The following NLGN1 variants were observed in gnomAD, a reference collection of about 807,000 sequenced individuals.
The protein encoded by NLGN1 is neuroligin 1, also known as neuroligin-1.
A neutral mutation model predicts 65.5 loss-of-function variants in NLGN1; 12 were observed. That is an observed-to-expected ratio of 0.18 (90% CI 0.12 to 0.30). The LOEUF (loss-of-function observed/expected upper bound fraction) is 0.30. Among genes scored for constraint, NLGN1 ranks in the 10% least tolerant of loss-of-function variants. The probability of loss-of-function intolerance (pLI) is 1.00; values close to 1 mark genes in which losing one functional copy is unlikely to be tolerated. For missense variants in NLGN1, 750 were observed against 1,007.1 expected (o/e 0.74, Z 3.46); for synonymous variants, 350 against 359.5 (o/e 0.97, Z 0.30).
intron 4 of NLGN1, among the ~76,000 whole-genome samples, chr3:174,224,975 T>C (rs1739350381): frequency 6.6e-6 from 1 of 152,150 alleles, no homozygotes; most frequent in South Asian, 2.1e-4. Context: ...AACCAAAGTC[T>C]TCCAAAAGAC....
chr3:173,646,733 T>C (rs1758334459), intron 3 of NLGN1, among the ~76,000 whole-genome samples: 1 of 152,092 alleles, frequency 6.6e-6, no homozygotes, highest in Non-Finnish European at 1.5e-5. Flanking sequence ...AATGGAATTA[T>C]AAAAATGTTC....
chr3:173,649,407 A>G (rs948112679), intron 3 of NLGN1, among the ~76,000 whole-genome samples: 40 of 152,252 alleles, frequency 2.6e-4, no homozygotes, highest in African/African-American at 8.9e-4. Context: ...TTACATATAC[A>G]TGTCATACAT....
At position 173,501,578 on chromosome 3, in the gene NLGN1, C is replaced by T. The variant is rs140873007; in HGVS notation, c.-321+66500C>T. On this transcript the variant is annotated intron_variant, in intron 2 of 6. Transcript: ENST00000457714. ...CCATTGATGTTACTATTGTTGTTAG[C>T]GATATGGAGTAACAGACTTTGTCCA... Among the ~76,000 whole-genome samples the T allele has an allele frequency of 1.9e-4, 28 of 151,336 alleles. No individual in the cohort carries two copies. The East Asian group carries it at 5.2e-3, about 28-fold the overall frequency.
At chr3:173,978,872 G>A (rs1718139653) in intron 4 of NLGN1, among the ~76,000 whole-genome samples, 2 of 150,338 alleles carry the variant, frequency 1.3e-5, no homozygotes, top group South Asian at 4.3e-4. Flanking sequence ...GCCACTTGTG[G>A]CAGACATCTG....
intron 4 of NLGN1, among the ~76,000 whole-genome samples, chr3:173,873,036 C>T (rs551483891): frequency 6.6e-6 from 1 of 151,892 alleles, no homozygotes; most frequent in African/African-American, 2.4e-5. Flanking sequence ...TTGGGGCTGG[C>T]ACGTGAAGGA....
chr3:173,924,057 A>G (rs1303519738), intron 4 of NLGN1, among the ~76,000 whole-genome samples: 1 of 152,184 alleles, frequency 6.6e-6, no homozygotes, highest in Non-Finnish European at 1.5e-5. Flanking sequence ...AAATTCAGCC[A>G]TGACTACAAA....
At chr3:173,443,142 G>A (rs1719513745) in intron 2 of NLGN1, among the ~76,000 whole-genome samples, 1 of 151,750 alleles carries the variant, frequency 6.6e-6, no homozygotes, top group African/African-American at 2.4e-5. Context: ...GGAAGACTGA[G>A]GTGGGAAGAT....
intron 4 of NLGN1, among the ~76,000 whole-genome samples, chr3:174,246,430 T>A (rs900473024): frequency 6.6e-6 from 1 of 152,162 alleles, no homozygotes; most frequent in Non-Finnish European, 1.5e-5. Flanking sequence ...TCCATTTTTT[T>A]AAAAATAGAG....
intron 4 of NLGN1, among the ~76,000 whole-genome samples, chr3:174,128,992 C>G (rs1004766706): frequency 3.9e-5 from 6 of 152,100 alleles, no homozygotes; most frequent in African/African-American, 1.4e-4. Flanking sequence ...AACGTTGCAT[C>G]TGTTTGGGTC....
At chr3:174,104,221 C>T (rs914566892) in intron 4 of NLGN1, among the ~76,000 whole-genome samples, 1 of 151,850 alleles carries the variant, frequency 6.6e-6, no homozygotes, top group African/African-American at 2.4e-5. Context: ...CTTGGCTATT[C>T]GAGTTTCAAA....
At chr3:173,908,033 CT>C (rs1738816836) in intron 4 of NLGN1, among the ~76,000 whole-genome samples, 1 of 152,188 alleles carries the variant, frequency 6.6e-6, no homozygotes, top group Non-Finnish European at 1.5e-5. Context: ...TGCTTTATCT[CT>C]TTTACCTTTC....
At chr3:173,597,626 A>G (rs1375421257) in intron 2 of NLGN1, among the ~76,000 whole-genome samples, 1 of 152,020 alleles carries the variant, frequency 6.6e-6, no homozygotes, top group African/African-American at 2.4e-5. Flanking sequence ...GTGTATGCAT[A>G]TATACATATA....
At chr3:173,882,064 T>C (rs73182685) in intron 4 of NLGN1, among the ~76,000 whole-genome samples, 38 of 152,322 alleles carry the variant, frequency 2.5e-4, no homozygotes, top group African/African-American at 7.9e-4. Flanking sequence ...AATAATCTCC[T>C]TGGGCATCTC....
At chr3:173,701,758 C>G (rs1001917414) in intron 3 of NLGN1, among the ~76,000 whole-genome samples, 14 of 152,148 alleles carry the variant, frequency 9.2e-5, no homozygotes, top group African/African-American at 3.4e-4. Flanking sequence ...ATAAATAATA[C>G]AAGCCCATTG....
intron 2 of NLGN1, among the ~76,000 whole-genome samples, chr3:173,477,923 G>A (rs1424929390): frequency 2.6e-5 from 4 of 152,256 alleles, no homozygotes; most frequent in African/African-American, 9.6e-5. Context: ...GCCAGGTTGT[G>A]GAGAAATAGG....
intron 1 of NLGN1, among the ~76,000 whole-genome samples, chr3:173,407,373 A>G (rs1306903484): frequency 6.6e-6 from 1 of 152,222 alleles, no homozygotes; most frequent in African/African-American, 2.4e-5. Flanking sequence ...ACTGAAGTCC[A>G]GAGGAAAAAA....
intron 2 of NLGN1, among the ~76,000 whole-genome samples, chr3:173,498,040 C>T (rs1233838453): frequency 6.6e-6 from 1 of 151,588 alleles, no homozygotes; most frequent in Non-Finnish European, 1.5e-5. Flanking sequence ...TTTCTCTAAA[C>T]CCTGAGTAGG....
intron 3 of NLGN1, among the ~76,000 whole-genome samples, chr3:173,679,578 C>T (rs1037832281): frequency 9.9e-5 from 15 of 152,012 alleles, no homozygotes; most frequent in Admixed American, 5.2e-4. Flanking sequence ...GTAGACTATA[C>T]GCCAAGAGCT....
At chr3:173,667,219 A>C (rs921643670) in intron 3 of NLGN1, among the ~76,000 whole-genome samples, 1 of 146,224 alleles carries the variant, frequency 6.8e-6, no homozygotes, top group Admixed American at 7.0e-5. Flanking sequence ...AAACATTGCC[A>C]TAATGAAACA....
Sources: allele counts gnomAD v4.1 joint callset (sites outside exome capture counted in the v4.1 genomes callset), GRCh38; gene constraint gnomAD v4.1.1; transcripts MANE v1.5; gene names NCBI Gene and HGNC (gene_info 2026-07-23, HGNC 2026-07-21).